The following TNRC6C variants were observed in gnomAD, a reference collection of about 807,000 sequenced individuals.
TNRC6C encodes trinucleotide repeat containing adaptor 6C.
A neutral mutation model predicts 153.7 loss-of-function variants in TNRC6C; 20 were observed. The ratio of observed to expected loss-of-function variants is 0.13; its 90% CI spans 0.09 to 0.19. TNRC6C has a LOEUF of 0.19. TNRC6C is among the 10% of genes least tolerant of loss of function. The probability of loss-of-function intolerance (pLI) is 1.00; values close to 1 mark genes in which losing one functional copy is unlikely to be tolerated. For synonymous variants in TNRC6C, 811 were observed against 841.4 expected (o/e 0.96, Z 0.63); for missense variants, 1,987 against 2,172.0 (o/e 0.91, Z 1.69).
chr17:78,104,988 T>A lies in TNRC6C; in HGVS notation c.*143T>A. The A allele has an allele frequency of 8.5e-7, 1 of 1,173,210 alleles. No homozygotes were observed. Among genetic ancestry groups the A allele is most frequent in the East Asian group, 3.2e-5 (1 of 31,630 alleles). The allele number at this position is 1,173,210 out of a possible 1,614,324, so 72.7% of individuals were successfully genotyped here. On this transcript the variant is annotated 3_prime_UTR_variant, in exon 20 of 20. Coordinates refer to ENST00000301624, the Ensembl canonical transcript of TNRC6C. This position sits in a 1 kb window ranked among gnomAD's most constrained non-coding sequence, Gnocchi z 6.2. ...GACTGAAGACGAACCTTGGCCGCAG[T>A]CCTTGCGAACTGTTCGCAAAACAGT...
intron 1 of TNRC6C, among the ~76,000 whole-genome samples, chr17:77,979,832 ATACAT>A (rs1417233913): frequency 6.6e-6 from 1 of 152,220 alleles, no homozygotes; most frequent in Non-Finnish European, 1.5e-5. Context: ...GAGGAAAAAG[ATACAT>A]TACCTTCAAA....
At chr17:78,088,413 T>G (rs2073334958) in intron 13 of TNRC6C, among the ~76,000 whole-genome samples, 1 of 151,944 alleles carries the variant, frequency 6.6e-6, no homozygotes, top group African/African-American at 2.4e-5. Context: ...CTTTTTTTTT[T>G]GGTAGAGACA....
upstream of TNRC6C, among the ~76,000 whole-genome samples, chr17:78,003,319 G>A (rs2071441810): frequency 1.3e-5 from 2 of 152,170 alleles, no homozygotes; most frequent in African/African-American, 4.8e-5. Context: ...TCAGATCAGA[G>A]AGTATCTAAG....
intron 13 of TNRC6C, among the ~76,000 whole-genome samples, chr17:78,089,684 G>A (rs1421510494): frequency 3.9e-5 from 6 of 151,990 alleles, no homozygotes; most frequent in Non-Finnish European, 5.9e-5. Flanking sequence ...CTTGATACCA[G>A]TGTCATGTGA....
intron 1 of TNRC6C, among the ~76,000 whole-genome samples, chr17:77,978,636 G>A (rs1485437372): frequency 6.6e-6 from 1 of 152,080 alleles, no homozygotes; most frequent in Non-Finnish European, 1.5e-5. Context: ...CTGAAAACCT[G>A]AACAAAAAGC....
At chr17:78,048,947 T>C (rs1598731558) in exon 3 of TNRC6C, 4 of 1,316,766 alleles carry the variant, frequency 3.0e-6, no homozygotes, top group Admixed American at 3.7e-5. Context: ...AAAGTGATAA[T>C]AGATAGGACT....
intron 7 of TNRC6C, 105 bp downstream of exon 9, chr17:78,073,199 A>G (rs2073027752): frequency 5.3e-6 from 5 of 943,806 alleles, no homozygotes; most frequent in Middle Eastern, 4.4e-4. Context: ...TGTCCTGGGT[A>G]GACAGGACCA....
intron 17 of TNRC6C, among the ~76,000 whole-genome samples, chr17:78,099,780 C>A (rs1339752867): frequency 6.6e-6 from 1 of 152,202 alleles, no homozygotes; most frequent in East Asian, 1.9e-4. Context: ...AGTCTTAACT[C>A]ATTTCAGCAT....
intron 1 of TNRC6C, among the ~76,000 whole-genome samples, chr17:77,977,927 G>A (rs1311191605): frequency 2.4e-5 from 3 of 124,220 alleles, no homozygotes; most frequent in African/African-American, 9.7e-5. Flanking sequence ...GCAGAGTCTC[G>A]CTCTGTCGTG....
exon 20 of TNRC6C, chr17:78,105,441 C>CA (rs1396290493): frequency 6.6e-6 from 1 of 152,018 alleles, no homozygotes; most frequent in East Asian, 1.9e-4. Context: ...TTTTTTATCC[C>CA]AAAAAATATT....
chr17:77,986,298 C>A (rs1364893104), intron 1 of TNRC6C, among the ~76,000 whole-genome samples: 15 of 151,778 alleles, frequency 9.9e-5, no homozygotes, highest in Non-Finnish European at 2.2e-4. Flanking sequence ...GCCTGTAATC[C>A]CAGCCATTTG....
exon 20 of TNRC6C, chr17:78,108,029 A>G (rs2073734208): frequency 6.6e-6 from 1 of 152,190 alleles, no homozygotes; most frequent in African/African-American, 2.4e-5. Flanking sequence ...GTCCCTTCCT[A>G]GGACACTGGC....
chr17:78,008,021 C>T (rs1212050283), intron 1 of TNRC6C, among the ~76,000 whole-genome samples: 1 of 152,146 alleles, frequency 6.6e-6, no homozygotes, highest in Non-Finnish European at 1.5e-5. Flanking sequence ...ATCTATGATA[C>T]TCCTCTACCT....
exon 15 of TNRC6C, chr17:78,092,959 G>T (rs2073419290): frequency 3.7e-6 from 6 of 1,613,792 alleles, no homozygotes; most frequent in Non-Finnish European, 5.1e-6. Context: ...TCTAAGCATT[G>T]GGCCTCCAGG....
upstream of TNRC6C, chr17:78,004,362 A>C: frequency 1.6e-6 from 2 of 1,215,580 alleles, no homozygotes; most frequent in Non-Finnish European, 2.1e-6. Context: ...TCATTCTGTT[A>C]CTTTTTAAAT....
chr17:78,028,991 AT>A (rs1386464464), intron 1 of TNRC6C, among the ~76,000 whole-genome samples: 3 of 152,212 alleles, frequency 2.0e-5, no homozygotes, highest in Non-Finnish European at 2.9e-5. Context: ...CGGCATGCTA[AT>A]TAGTAAACCC....
chr17:78,038,913 C>T (rs1001433128), intron 2 of TNRC6C, among the ~76,000 whole-genome samples: 8 of 152,074 alleles, frequency 5.3e-5, no homozygotes, highest in Non-Finnish European at 1.2e-4. Context: ...CGCAGGCGAC[C>T]AGCGAGAGTG....
At position 78,104,997 on chromosome 17, in the gene TNRC6C, A is replaced by G; in HGVS notation, c.*152A>G. Reference sequence around the variant, plus strand: ...CGAACCTTGGCCGCAGTCCTTGCGAACTGTTCGCAAAACAGTGCGGGCTGC... The same window carrying G: ...CGAACCTTGGCCGCAGTCCTTGCGAGCTGTTCGCAAAACAGTGCGGGCTGC... On this transcript the variant is annotated 3_prime_UTR_variant, in exon 20 of 20. Coordinates refer to ENST00000301624, the Ensembl canonical transcript of TNRC6C. The surrounding 1 kb of genome is among the most constrained non-coding windows in gnomAD (Gnocchi z 6.2). 2 of 1,051,666 alleles carry G rather than the reference A, an allele frequency of 1.9e-6. No homozygotes were observed. Among genetic ancestry groups the G allele is most frequent in the Admixed American group, 3.8e-5 (1 of 26,062 alleles). 65.1% of individuals were successfully genotyped at this position (1,051,666 alleles called of 1,614,324 possible). A position where few individuals can be genotyped will look rare whatever the true frequency, so the allele number is the denominator to read the frequency against.
intron 2 of TNRC6C, among the ~76,000 whole-genome samples, chr17:78,047,383 T>C (rs1214309538): frequency 6.6e-6 from 1 of 152,226 alleles, no homozygotes; most frequent in Non-Finnish European, 1.5e-5. Flanking sequence ...AAGTTTTCTG[T>C]TGCCTGTCTT....
Sources: allele counts gnomAD v4.1 joint callset (sites outside exome capture counted in the v4.1 genomes callset), GRCh38; gene constraint gnomAD v4.1.1; non-coding constraint Gnocchi (gnomAD v3.1); transcripts MANE v1.5; gene names NCBI Gene and HGNC (gene_info 2026-07-23, HGNC 2026-07-21).